The following UBAC2 variants were observed in gnomAD, a reference collection of about 807,000 sequenced individuals.
UBAC2 encodes ubiquitin-associated domain-containing protein 2.
Under a neutral mutation model 44.0 loss-of-function variants are expected in UBAC2, and 26 were observed. The ratio of observed to expected loss-of-function variants is 0.59; its 90% CI spans 0.43 to 0.82. The LOEUF is 0.82. UBAC2 is among the 40% of genes least tolerant of loss of function. The pLI is 0.00. For synonymous variants in UBAC2, 155 were observed against 154.3 expected (o/e 1.00, Z -0.04); for missense variants, 329 against 419.4 (o/e 0.78, Z 1.88).
chr13:99,317,952 T>C lies in UBAC2; in HGVS notation c.514-70T>C, dbSNP rs539750857. 50 of 1,249,114 alleles carry C rather than the reference T, an allele frequency of 4.0e-5. No individual in the cohort carries two copies. In the African/African-American group the frequency reaches 5.3e-4, roughly 13 times the overall value. The allele number at this position is 1,249,114 out of a possible 1,614,324, so 77.4% of individuals were successfully genotyped here. A position where few individuals can be genotyped will look rare whatever the true frequency, so the allele number is the denominator to read the frequency against. ...ATATAAATGGTCATGACTATAGTTATGTAAAAATAAGTGTGCTGTGACTGG... is the reference window on the plus strand; with the variant it reads ...ATATAAATGGTCATGACTATAGTTACGTAAAAATAAGTGTGCTGTGACTGG... On this transcript the variant is annotated intron_variant, in intron 5 of 8. Coordinates refer to ENST00000403766, the MANE Select transcript of UBAC2 (RefSeq NM_001144072.2).
At chr13:99,303,367 T>C (rs76598410) in intron 4 of UBAC2, among the ~76,000 whole-genome samples, 2,379 of 152,344 alleles carry the variant, frequency 0.016, 66 homozygotes, top group African/African-American at 0.054. Context: ...GCACGGGAAT[T>C]CTTTGGTTGA....
At chr13:99,288,846 TA>T (rs2138702510) in intron 4 of UBAC2, among the ~76,000 whole-genome samples, 1 of 152,336 alleles carries the variant, frequency 6.6e-6, no homozygotes, top group Non-Finnish European at 1.5e-5. Context: ...CCTCAGCTAA[TA>T]TTTGATGACC....
chr13:99,271,221 A>G (rs2138665345), intron 4 of UBAC2, among the ~76,000 whole-genome samples: 1 of 152,352 alleles, frequency 6.6e-6, no homozygotes, highest in African/African-American at 2.4e-5. Context: ...AGGGAATGCC[A>G]GGGTGTGAGT....
rs546558837 is a variant in UBAC2, at chr13:99,211,078, G to T, written c.31+10139G>T. 5.9e-5 allele frequency among the ~76,000 whole-genome samples: 9 copies of T among 152,296 alleles called. No individual in the cohort carries two copies. In the East Asian group the frequency reaches 1.7e-3, roughly 29 times the overall value. The stretch of plus-strand genomic sequence containing the variant: ...TCTCGTATAACTTTTAGTACGTACT[G>T]CCAAATTCCAATCCCAAAGGGTAGT... On this transcript the variant is annotated intron_variant, in intron 1 of 8. Transcript: ENST00000403766.
At chr13:99,340,113 C>A (rs2044861772) in intron 6 of UBAC2, among the ~76,000 whole-genome samples, 1 of 152,086 alleles carries the variant, frequency 6.6e-6, no homozygotes, top group Non-Finnish European at 1.5e-5. Context: ...CAATAAAAAA[C>A]AATTTTGTTT....
intron 4 of UBAC2, among the ~76,000 whole-genome samples, chr13:99,286,177 C>G (rs1411374644): frequency 6.6e-6 from 1 of 152,200 alleles, no homozygotes. Context: ...AAATAGCTGA[C>G]AAGATTTCTG....
intron 6 of UBAC2, among the ~76,000 whole-genome samples, chr13:99,328,243 TTATC>T (rs2044667275): frequency 6.6e-6 from 1 of 152,218 alleles, no homozygotes; most frequent in Admixed American, 6.5e-5. Context: ...CATACTTTGT[TTATC>T]CATTCACCAA....
At chr13:99,234,154 C>T (rs1304487858) in intron 1 of UBAC2, among the ~76,000 whole-genome samples, 3 of 143,260 alleles carry the variant, frequency 2.1e-5, no homozygotes, top group Non-Finnish European at 4.5e-5. Flanking sequence ...ATGGGCCGGA[C>T]ATTGTGCTAG....
chr13:99,351,305 C>T (rs370286403), intron 7 of UBAC2, among the ~76,000 whole-genome samples: 3 of 152,174 alleles, frequency 2.0e-5, no homozygotes, highest in East Asian at 3.8e-4. Context: ...AAGCTTGTAA[C>T]CTCTAGAGCA....
intron 1 of UBAC2, among the ~76,000 whole-genome samples, chr13:99,219,979 C>A (rs1199110908): frequency 1.3e-5 from 2 of 151,924 alleles, no homozygotes; most frequent in Non-Finnish European, 1.5e-5. Flanking sequence ...TTTGTATCCA[C>A]TTTTTGTGTT....
intron 1 of UBAC2, among the ~76,000 whole-genome samples, chr13:99,232,162 G>A (rs183705654): frequency 5.0e-4 from 76 of 152,196 alleles, no homozygotes; most frequent in African/African-American, 1.3e-3. Context: ...GAGTGGGTTT[G>A]GGGGTATGGG....
chr13:99,334,205 C>T (rs1365839170), intron 6 of UBAC2, among the ~76,000 whole-genome samples: 1 of 152,124 alleles, frequency 6.6e-6, no homozygotes, highest in Non-Finnish European at 1.5e-5. Context: ...TAGTGATCCT[C>T]CTGCTTCAGC....
chr13:99,222,508 T>C (rs2043061999), intron 1 of UBAC2, among the ~76,000 whole-genome samples: 1 of 152,340 alleles, frequency 6.6e-6, no homozygotes, highest in African/African-American at 2.4e-5. Flanking sequence ...TAATTAATAA[T>C]TGAGGTTAGA....
At chr13:99,254,629 T>C (rs2043508046) in intron 4 of UBAC2, 1 of 369,864 alleles carries the variant, frequency 2.7e-6, no homozygotes, top group Admixed American at 4.4e-5. Context: ...AACACACATG[T>C]GTCGCTTGCA....
intron 4 of UBAC2, among the ~76,000 whole-genome samples, chr13:99,272,389 C>G (rs2043827425): frequency 6.6e-6 from 1 of 152,178 alleles, no homozygotes; most frequent in African/African-American, 2.4e-5. Flanking sequence ...TTATCTATAT[C>G]CTTAATCTTA....
rs138956239 is a variant in UBAC2 at position 99,333,879 on chromosome 13, A to G, written c.562-6441A>G. Among the ~76,000 whole-genome samples, 1,243 of 152,246 alleles carry G rather than the reference A, an allele frequency of 8.2e-3. 11 individuals carry two copies. The highest frequency in any genetic ancestry group is 0.056 in the South Asian group (270 of 4,824). On this transcript the variant is annotated intron_variant, in intron 6 of 8. Transcript: ENST00000403766. ...CCCATAAATTAAGAGCTTCTACCAAATTGTGAACTCCTTAAATACTGGCAA... is the reference window on the plus strand; with the variant it reads ...CCCATAAATTAAGAGCTTCTACCAAGTTGTGAACTCCTTAAATACTGGCAA...
chr13:99,322,238 C>G (rs1887704), intron 6 of UBAC2, among the ~76,000 whole-genome samples: 83,667 of 152,054 alleles, frequency 0.55, 24,403 homozygotes, highest in Non-Finnish European at 0.67. Flanking sequence ...CACTAATTTT[C>G]TTACACATTA....
At chr13:99,284,528 C>G (rs2043993637) in intron 4 of UBAC2, among the ~76,000 whole-genome samples, 1 of 152,200 alleles carries the variant, frequency 6.6e-6, no homozygotes, top group African/African-American at 2.4e-5. Context: ...TCTCTCTACA[C>G]AGTATTTTTT....
intron 4 of UBAC2, chr13:99,313,483 G>A (rs2044442977): frequency 6.6e-6 from 1 of 152,274 alleles, no homozygotes; most frequent in South Asian, 2.1e-4. Context: ...GCAGTTTTAG[G>A]TCTCACTTCA....
Sources: allele counts gnomAD v4.1 joint callset (sites outside exome capture counted in the v4.1 genomes callset), GRCh38; gene constraint gnomAD v4.1.1; transcripts MANE v1.5; gene names NCBI Gene and HGNC (gene_info 2026-07-23, HGNC 2026-07-21).